The following BTRC variants were observed in gnomAD, a reference collection of about 807,000 sequenced individuals.
BTRC encodes the protein F-box/WD repeat-containing protein 1A.
Under a neutral mutation model 85.5 loss-of-function variants are expected in BTRC, and 42 were observed. That is an observed-to-expected ratio of 0.49 (90% CI 0.38 to 0.64). BTRC has a LOEUF of 0.64. Among genes scored for constraint, BTRC ranks in the 30% least tolerant of loss-of-function variants. BTRC has a pLI of 0.00. For synonymous variants in BTRC, 255 were observed against 263.3 expected (o/e 0.97, Z 0.30); for missense variants, 594 against 743.5 (o/e 0.80, Z 2.34).
rs201501194 is a variant in BTRC, at chr10:101,495,460, C to T, written c.324+16003C>T. ...TAAAAATCACCGTATTGCATTTAAC[C>T]GTGGGCAGCACCAAACTGTGTCAGC... On this transcript the variant is annotated intron_variant, in intron 4 of 14. Transcript: ENST00000370187. Among the ~76,000 whole-genome samples the T allele has an allele frequency of 9.9e-5, 15 of 152,238 alleles. No homozygotes were observed. The East Asian group carries it at 1.3e-3, about 14-fold the overall frequency.
chr10:101,464,093 A>G (rs1223001776), intron 3 of BTRC, among the ~76,000 whole-genome samples: 3 of 152,206 alleles, frequency 2.0e-5, no homozygotes, highest in African/African-American at 4.8e-5. Context: ...GGAAGTAGGA[A>G]CACTCTGCCC....
chr10:101,510,783 C>G (rs1045887810), intron 4 of BTRC, among the ~76,000 whole-genome samples: 3 of 152,198 alleles, frequency 2.0e-5, no homozygotes, highest in African/African-American at 7.2e-5. Context: ...CCCAGACTTA[C>G]AATTCTCAAC....
intron 1 of BTRC, among the ~76,000 whole-genome samples, chr10:101,366,851 A>AAT (rs1418355459): frequency 3.9e-5 from 1 of 25,620 alleles, no homozygotes; most frequent in South Asian, 9.2e-4. Context: ...TATGTATATT[A>AAT]ATATATATTT....
intron 1 of BTRC, among the ~76,000 whole-genome samples, chr10:101,365,820 A>G (rs1942357492): frequency 6.6e-6 from 1 of 152,174 alleles, no homozygotes; most frequent in Non-Finnish European, 1.5e-5. Context: ...TACAGTGAAT[A>G]TATATCATAA....
At chr10:101,385,618 C>CTTCTTTTTT (rs1554865839) in intron 1 of BTRC, among the ~76,000 whole-genome samples, 1 of 79,802 alleles carries the variant, frequency 1.3e-5, no homozygotes, top group Non-Finnish European at 2.5e-5. Flanking sequence ...TCTTCTTCTT[C>CTTCTTTTTT]TTTTTTTTTT....
rs186649832 is a variant in BTRC, at chr10:101,371,528, G to A, written c.48+17300G>A. 4.1e-3 allele frequency among the ~76,000 whole-genome samples: 618 copies of A among 152,170 alleles called. 4 individuals carry two copies. Among genetic ancestry groups the A allele is most frequent in the Non-Finnish European group, 5.2e-3 (357 of 68,016 alleles). On this transcript the variant is annotated intron_variant, in intron 1 of 14. Coordinates refer to ENST00000370187, the MANE Select transcript of BTRC (RefSeq NM_033637.4). ...TTCCTCTAGATACCTCATTTAAGTAGAATCATACAGTGTTTGCCTTTTTGT... is the reference window on the plus strand; with the variant it reads ...TTCCTCTAGATACCTCATTTAAGTAAAATCATACAGTGTTTGCCTTTTTGT...
chr10:101,388,927 C>T (rs1943154259), intron 1 of BTRC, among the ~76,000 whole-genome samples: 1 of 149,510 alleles, frequency 6.7e-6, no homozygotes, highest in Non-Finnish European at 1.5e-5. Context: ...TGGGCCTTGG[C>T]CCTCTTCTCT....
At chr10:101,446,884 C>A (rs1944840296) in intron 2 of BTRC, among the ~76,000 whole-genome samples, 1 of 149,020 alleles carries the variant, frequency 6.7e-6, no homozygotes, top group Non-Finnish European at 1.5e-5. Context: ...TAATTTTTTT[C>A]TTTGCTTTAG....
chr10:101,525,896 G>A (rs1408606057), intron 5 of BTRC, 117 bp from the exon 6 acceptor site: 1 of 985,896 alleles, frequency 1.0e-6, no homozygotes, highest in Non-Finnish European at 1.5e-6. Context: ...ACCACACTAG[G>A]GACAATGATG....
intron 1 of BTRC, among the ~76,000 whole-genome samples, chr10:101,387,528 C>CTTTTTTTTTTGTTTTTTTTTTT (rs1943111840): frequency 2.2e-5 from 1 of 45,122 alleles, no homozygotes; most frequent in Non-Finnish European, 3.4e-5. Flanking sequence ...CTTCATGGGA[C>CTTTTTTTTTTGTTTTTTTTTTT]TTTTTTTTTT....
At chr10:101,445,383 T>C (rs1208369136) in intron 2 of BTRC, among the ~76,000 whole-genome samples, 2 of 152,224 alleles carry the variant, frequency 1.3e-5, no homozygotes, top group African/African-American at 2.4e-5. Flanking sequence ...TTAGGGTCAG[T>C]ATCTATAAAA....
chr10:101,367,971 G>T (rs1015751618), intron 1 of BTRC, among the ~76,000 whole-genome samples: 1 of 152,084 alleles, frequency 6.6e-6, no homozygotes, highest in Non-Finnish European at 1.5e-5. Flanking sequence ...GAATGGAATC[G>T]CTGGGTCACA....
At chr10:101,411,644 T>TA (rs1943781841) in intron 1 of BTRC, among the ~76,000 whole-genome samples, 1 of 152,170 alleles carries the variant, frequency 6.6e-6, no homozygotes, top group Admixed American at 6.5e-5. Context: ...ATTCTTTTTT[T>TA]ATACCCTACA....
intron 1 of BTRC, among the ~76,000 whole-genome samples, chr10:101,424,937 T>G (rs1038774889): frequency 6.6e-6 from 1 of 152,230 alleles, no homozygotes; most frequent in Non-Finnish European, 1.5e-5. Flanking sequence ...GGTAGTTTTT[T>G]CAAGCTTTAC....
At chr10:101,532,886 G>T in intron 8 of BTRC, 66 bp from the exon 9 acceptor site, 1 of 1,262,842 alleles carries the variant, frequency 7.9e-7, no homozygotes, top group Non-Finnish European at 1.2e-6. Context: ...ACACGTAATA[G>T]GACCAACAAG....
chr10:101,427,687 C>T (rs944845097), intron 1 of BTRC, among the ~76,000 whole-genome samples: 1 of 151,730 alleles, frequency 6.6e-6, no homozygotes, highest in African/African-American at 2.4e-5. Flanking sequence ...TGCCACCATG[C>T]CCAGCTATTT....
At chr10:101,381,691 C>G (rs1323265680) in intron 1 of BTRC, among the ~76,000 whole-genome samples, 1 of 152,030 alleles carries the variant, frequency 6.6e-6, no homozygotes, top group African/African-American at 2.4e-5. Flanking sequence ...GAGAAACACA[C>G]GATGATAACT....
Position 101,521,665 on chromosome 10 carries a change from T to G in BTRC, c.351T>G (p.Ser117Arg). ...AKTKLANGTSSMIVPKQRKLS... is the reference protein window; with the variant it reads ...AKTKLANGTSRMIVPKQRKLS... ...CAAAACTTGCCAATGGCACTTCCAG[T>G]ATGATTGTGCCCAAGCAACGGAAAC... Residue 117 changes from serine to arginine, a missense_variant, in exon 5 of 15, where the codon AGT becomes AGG. Physicochemically the swap from Ser to Arg is moderately radical, Grantham distance 110 (BLOSUM62 -1). This residue lies in a region of BTRC where 163 missense variants were observed against 180.5 expected (regional missense o/e 0.90). Coordinates refer to ENST00000370187, the MANE Select transcript of BTRC (RefSeq NM_033637.4). The G allele has an allele frequency of 6.2e-7, 1 of 1,614,062 alleles. No individual in the cohort carries two copies. Among genetic ancestry groups the G allele is most frequent in the Non-Finnish European group, 8.5e-7 (1 of 1,179,974 alleles).
chr10:101,396,366 A>G (rs1226842597), intron 1 of BTRC, among the ~76,000 whole-genome samples: 4 of 151,592 alleles, frequency 2.6e-5, no homozygotes, highest in East Asian at 1.9e-4. Flanking sequence ...AATTTCTGCA[A>G]GATTCTGCCA....
Sources: allele counts gnomAD v4.1 joint callset (sites outside exome capture counted in the v4.1 genomes callset), GRCh38; gene constraint gnomAD v4.1.1; regional missense constraint gnomAD v4.1.1; transcripts MANE v1.5; gene names NCBI Gene and HGNC (gene_info 2026-07-23, HGNC 2026-07-21).